Variants in KCNIP4 observed in about 807,000 individuals in gnomAD.
KCNIP4 encodes the protein potassium voltage-gated channel interacting protein 4.
Under a neutral mutation model 34.0 loss-of-function variants are expected in KCNIP4, and 12 were observed. The ratio of observed to expected loss-of-function variants is 0.35; its 90% CI spans 0.23 to 0.57. The LOEUF (loss-of-function observed/expected upper bound fraction) is 0.57. Ranked by LOEUF, KCNIP4 falls within the 20% of genes least tolerant of loss-of-function variation. KCNIP4 has a pLI of 0.83. For synonymous variants in KCNIP4, 124 were observed against 102.2 expected (o/e 1.21, Z -1.29); for missense variants, 238 against 311.7 (o/e 0.76, Z 1.78).
At chr4:21,471,501 T>G (rs1730466580) in intron 1 of KCNIP4, among the ~76,000 whole-genome samples, 1 of 152,220 alleles carries the variant, frequency 6.6e-6, no homozygotes, top group Non-Finnish European at 1.5e-5. Flanking sequence ...ATTGAGTATT[T>G]TATATATTTT....
At chr4:21,388,543 T>G (rs1199779478) in intron 1 of KCNIP4, among the ~76,000 whole-genome samples, 1 of 152,162 alleles carries the variant, frequency 6.6e-6, no homozygotes, top group East Asian at 1.9e-4. Context: ...CCTGTTAAAG[T>G]GAATTATATT....
intron 1 of KCNIP4, among the ~76,000 whole-genome samples, chr4:21,591,504 C>A (rs73254303): frequency 0.066 from 10,020 of 151,834 alleles, 478 homozygotes; most frequent in African/African-American, 0.13. Flanking sequence ...TTGTCTATTG[C>A]AGTGCAAATT....
intron 6 of KCNIP4, among the ~76,000 whole-genome samples, chr4:20,733,212 T>G (rs550391806): frequency 7.2e-5 from 11 of 152,204 alleles, no homozygotes; most frequent in Non-Finnish European, 1.2e-4. Flanking sequence ...TTAGAATTAG[T>G]GAAATTAATT....
At chr4:20,969,561 T>G (rs1734721181) in intron 1 of KCNIP4, among the ~76,000 whole-genome samples, 3 of 151,888 alleles carry the variant, frequency 2.0e-5, no homozygotes, top group Admixed American at 2.0e-4. Flanking sequence ...TGTGTTTGTG[T>G]GTGTGTGTGT....
At chr4:21,813,801 G>T (rs1284646119) in intron 1 of KCNIP4, among the ~76,000 whole-genome samples, 1 of 152,118 alleles carries the variant, frequency 6.6e-6, no homozygotes, top group African/African-American at 2.4e-5. Context: ...AGACCCTTGT[G>T]ATTTATCCTT....
intron 1 of KCNIP4, among the ~76,000 whole-genome samples, chr4:21,661,256 C>T (rs991391906): frequency 1.1e-4 from 16 of 152,170 alleles, no homozygotes; most frequent in African/African-American, 3.9e-4. Context: ...ATTCACCATT[C>T]TTCAAGTTTG....
At chr4:21,940,706 C>T (rs1409777600) in intron 1 of KCNIP4, among the ~76,000 whole-genome samples, 7 of 152,116 alleles carry the variant, frequency 4.6e-5, no homozygotes, top group Non-Finnish European at 8.8e-5. Flanking sequence ...CAACATTAAA[C>T]TCAATGGCTA....
At chr4:20,775,825 A>G (rs150394479) in intron 3 of KCNIP4, among the ~76,000 whole-genome samples, 7 of 152,310 alleles carry the variant, frequency 4.6e-5, no homozygotes, top group African/African-American at 1.7e-4. Flanking sequence ...CCATTATATT[A>G]TCTTAGGGGC....
chr4:21,291,060 G>A (rs1553853789), intron 1 of KCNIP4, among the ~76,000 whole-genome samples: 3 of 152,142 alleles, frequency 2.0e-5, no homozygotes, highest in Non-Finnish European at 1.5e-5. Context: ...TAGTCAGGGT[G>A]TTTTCCTCCC....
intron 1 of KCNIP4, among the ~76,000 whole-genome samples, chr4:21,269,533 G>C (rs1353672762): frequency 6.6e-6 from 1 of 152,090 alleles, no homozygotes; most frequent in Non-Finnish European, 1.5e-5. Flanking sequence ...GGCCTCCCAA[G>C]TAGCTGGGCC....
intron 1 of KCNIP4, chr4:21,845,618 C>G (rs1018801582): frequency 6.6e-6 from 1 of 152,006 alleles, no homozygotes; most frequent in Admixed American, 6.6e-5. Context: ...AGGAGCTTGA[C>G]ACTTCTTAGT....
intron 1 of KCNIP4, among the ~76,000 whole-genome samples, chr4:21,940,249 T>C (rs77040814): frequency 6.6e-6 from 1 of 151,956 alleles, no homozygotes; most frequent in Admixed American, 6.6e-5. Context: ...AAATGGAAAA[T>C]AGAACAAACA....
At chr4:21,066,354 C>G (rs572717420) in intron 1 of KCNIP4, among the ~76,000 whole-genome samples, 1 of 152,256 alleles carries the variant, frequency 6.6e-6, no homozygotes, top group East Asian at 1.9e-4. Context: ...TGCAGGAACA[C>G]CACATTGACC....
chr4:21,328,566 C>T, intron 1 of KCNIP4, among the ~76,000 whole-genome samples: 1 of 152,198 alleles, frequency 6.6e-6, no homozygotes, highest in Admixed American at 6.5e-5. Context: ...CCAAGGCCCA[C>T]AGTAACCACT....
At chr4:21,638,230 G>A (rs997975153) in intron 1 of KCNIP4, among the ~76,000 whole-genome samples, 4 of 152,184 alleles carry the variant, frequency 2.6e-5, no homozygotes, top group Admixed American at 2.0e-4. Context: ...CCAATCAGGG[G>A]CAAATCAAGG....
intron 1 of KCNIP4, among the ~76,000 whole-genome samples, chr4:21,006,720 A>T (rs1218272891): frequency 6.6e-6 from 1 of 152,188 alleles, no homozygotes; most frequent in Non-Finnish European, 1.5e-5. Flanking sequence ...TGCCCAGGAC[A>T]TGGGGCAGGG....
chr4:20,754,496 T>C (rs1754170732), intron 4 of KCNIP4, among the ~76,000 whole-genome samples: 1 of 152,196 alleles, frequency 6.6e-6, no homozygotes, highest in African/African-American at 2.4e-5. Context: ...GAGATCACAT[T>C]CTTCCTTAGG....
intron 1 of KCNIP4, among the ~76,000 whole-genome samples, chr4:21,344,370 C>T (rs1009921331): frequency 1.3e-5 from 2 of 151,996 alleles, no homozygotes; most frequent in Non-Finnish European, 2.9e-5. Context: ...TGAAATAAGC[C>T]CTGGAGCCAT....
At chr4:20,778,896 T>G (rs1296404082) in intron 3 of KCNIP4, among the ~76,000 whole-genome samples, 2 of 152,122 alleles carry the variant, frequency 1.3e-5, no homozygotes, top group Non-Finnish European at 2.9e-5. Flanking sequence ...TTATTGCTGA[T>G]TTGGAATGAG....
Sources: gnomAD v4.1 joint callset for allele counts (sites outside exome capture counted in the v4.1 genomes callset) on GRCh38, gnomAD v4.1.1 for gene constraint, MANE v1.5 for transcripts, NCBI Gene and HGNC (gene_info 2026-07-23, HGNC 2026-07-21) for gene names.